The following JAKMIP3 variants were observed in gnomAD, a reference collection of about 807,000 sequenced individuals.
JAKMIP3 encodes the protein janus kinase and microtubule-interacting protein 3.
In JAKMIP3, 58 loss-of-function variants were observed where a neutral mutation model predicts 118.5. That is an observed-to-expected ratio of 0.49 (90% confidence interval 0.40 to 0.61). The LOEUF (loss-of-function observed/expected upper bound fraction) is 0.61, where lower values mean the gene tolerates loss of function less well. Ranked by LOEUF, JAKMIP3 falls within the 20% of genes least tolerant of loss-of-function variation. The pLI, the probability that JAKMIP3 is intolerant of heterozygous loss-of-function variation, is 0.00. For synonymous variants in JAKMIP3, 486 were observed against 451.2 expected, an observed-to-expected ratio of 1.08 and a Z score of -0.98; for missense variants, 950 against 1,109.0, an observed-to-expected ratio of 0.86 and a Z score of 2.04.
chr10:132,096,140 T>C (rs115092832), intron 1 of JAKMIP3, among the ~76,000 whole-genome samples: 2,262 of 152,302 alleles, frequency 0.015, 69 homozygotes, highest in African/African-American at 0.051. Context: ...CCTTTTTACA[T>C]TGGGAGCAGT....
In JAKMIP3 at chr10:132,183,015, G is replaced by A. The variant is rs2061611366; in HGVS notation, c.*1762G>A. 1 of 152,218 alleles carries A rather than the reference G, an allele frequency of 6.6e-6. No individual in the cohort carries two copies. 9.4% of individuals were successfully genotyped at this position (152,218 alleles called of 1,614,324 possible). A position where few individuals can be genotyped will look rare whatever the true frequency, so the allele number is the denominator to read the frequency against. ...CGGCAAGATACTGGGCCAGTTCAGT[G>A]TCTCTAGCTGAGCCTGACCTCGGGG... On this transcript the variant is annotated 3_prime_UTR_variant, in exon 24 of 24. Coordinates refer to ENST00000684848, the MANE Select transcript of JAKMIP3 (RefSeq NM_001323087.2).
chr10:132,072,911 C>T (rs2040194940), intron 1 of JAKMIP3, among the ~76,000 whole-genome samples: 1 of 152,168 alleles, frequency 6.6e-6, no homozygotes, highest in Admixed American at 6.5e-5. Flanking sequence ...CCCCTCCCAC[C>T]CTTCCACCTT....
intron 21 of JAKMIP3, among the ~76,000 whole-genome samples, chr10:132,166,449 C>G (rs2058914362): frequency 6.6e-6 from 1 of 152,208 alleles, no homozygotes; most frequent in Admixed American, 6.5e-5. Context: ...GACCCCCAGC[C>G]CAGAGTGAGA....
chr10:132,113,561 G>C (rs561600875), intron 2 of JAKMIP3, among the ~76,000 whole-genome samples: 4 of 152,362 alleles, frequency 2.6e-5, no homozygotes, highest in Admixed American at 1.3e-4. Context: ...TTAGAATCTT[G>C]TTGAGGAAGA....
chr10:132,105,933 T>C (rs2045836743), intron 2 of JAKMIP3, among the ~76,000 whole-genome samples: 1 of 152,170 alleles, frequency 6.6e-6, no homozygotes, highest in African/African-American at 2.4e-5. Flanking sequence ...TGGGGGTGGT[T>C]GCTTAACCTC....
chr10:132,104,863 G>A lies in JAKMIP3; in HGVS notation c.55G>A (p.Ala19Thr), dbSNP rs765693147. The A allele has an allele frequency of 1.0e-5, 16 of 1,560,798 alleles. No homozygotes were observed. Among genetic ancestry groups the A allele is most frequent in the Middle Eastern group, 1.7e-4 (1 of 6,004 alleles). ...RAKGDKAEAL[A>T]ALQAANEDLR... ...CAAGGGGGACAAGGCAGAGGCCCTCGCGGCGCTGCAGGCGGCCAACGAGGA... is the reference window on the plus strand; with the variant it reads ...CAAGGGGGACAAGGCAGAGGCCCTCACGGCGCTGCAGGCGGCCAACGAGGA... The change falls in exon 2 of 24, where the codon GCG (alanine) becomes ACG (threonine). Residue 19 changes from alanine (A) to threonine (T), a missense_variant. Coordinates refer to ENST00000684848, the MANE Select transcript of JAKMIP3 (RefSeq NM_001323087.2).
At chr10:132,050,329 C>A (rs1411730278) in intron 1 of JAKMIP3, among the ~76,000 whole-genome samples, 1 of 152,228 alleles carries the variant, frequency 6.6e-6, no homozygotes, top group East Asian at 1.9e-4. Context: ...CCTGCCCAGG[C>A]ACCTCTCTGG....
At chr10:132,109,517 C>A (rs1312166494) in intron 2 of JAKMIP3, among the ~76,000 whole-genome samples, 2 of 152,166 alleles carry the variant, frequency 1.3e-5, no homozygotes, top group African/African-American at 2.4e-5. Context: ...TGCGCCCGGG[C>A]GTCTTCTGTC....
At chr10:132,143,125 C>G (rs1043910513) in intron 11 of JAKMIP3, among the ~76,000 whole-genome samples, 1 of 151,604 alleles carries the variant, frequency 6.6e-6, no homozygotes, top group Non-Finnish European at 1.5e-5. Flanking sequence ...CCTCTGTGCC[C>G]TCCTCCTGTC....
intron 3 of JAKMIP3, among the ~76,000 whole-genome samples, chr10:132,126,165 G>A (rs899158732): frequency 1.3e-5 from 2 of 152,206 alleles, no homozygotes; most frequent in Non-Finnish European, 2.9e-5. Context: ...GAACAGAGAA[G>A]TGTTGAGAGT....
intron 2 of JAKMIP3, among the ~76,000 whole-genome samples, chr10:132,107,579 G>A (rs2046107175): frequency 6.6e-6 from 1 of 152,194 alleles, no homozygotes; most frequent in African/African-American, 2.4e-5. Flanking sequence ...CTCGCCAGAG[G>A]GTTCATGTTA....
At chr10:132,139,112 GTGTA>G (rs1439341176) in intron 9 of JAKMIP3, among the ~76,000 whole-genome samples, 3 of 151,794 alleles carry the variant, frequency 2.0e-5, no homozygotes, top group East Asian at 1.9e-4. Flanking sequence ...GTACATGTGT[GTGTA>G]TGCATCTGTG....
At chr10:132,105,420 G>T (rs1180659436) in intron 2 of JAKMIP3, among the ~76,000 whole-genome samples, 8 of 152,230 alleles carry the variant, frequency 5.3e-5, no homozygotes, top group Non-Finnish European at 1.2e-4. Flanking sequence ...ATGTGGAGAT[G>T]CAGGGGCAAG....
chr10:132,143,721 C>T (rs1002766373), intron 11 of JAKMIP3: 5 of 152,192 alleles, frequency 3.3e-5, no homozygotes, highest in Admixed American at 1.3e-4. Flanking sequence ...CTGTGGAAAT[C>T]GAGGAAGCCT....
At chr10:132,177,957 C>A (rs566904530) in intron 23 of JAKMIP3, among the ~76,000 whole-genome samples, 3 of 128,604 alleles carry the variant, frequency 2.3e-5, no homozygotes, top group South Asian at 5.4e-4. Context: ...GGGTAGTGTG[C>A]GTGTATGTGT....
chr10:132,040,878 C>A (rs2037721568), intron 1 of JAKMIP3, among the ~76,000 whole-genome samples: 1 of 152,056 alleles, frequency 6.6e-6, no homozygotes, highest in Non-Finnish European at 1.5e-5. Context: ...CCCTTCCAGT[C>A]TTTATTGTTG....
chr10:132,156,417 G>C (rs2057098227), intron 19 of JAKMIP3, among the ~76,000 whole-genome samples: 1 of 152,206 alleles, frequency 6.6e-6, no homozygotes, highest in African/African-American at 2.4e-5. Context: ...CTGGGATCCA[G>C]CTAGGGATCA....
chr10:132,125,278 C>T (rs868519959), intron 3 of JAKMIP3, among the ~76,000 whole-genome samples: 15 of 152,202 alleles, frequency 9.9e-5, no homozygotes, highest in South Asian at 4.1e-4. Flanking sequence ...TTGGATATCC[C>T]TGCTTGCTGT....
At chr10:132,107,570 T>C (rs966244031) in intron 2 of JAKMIP3, among the ~76,000 whole-genome samples, 8 of 152,198 alleles carry the variant, frequency 5.3e-5, no homozygotes, top group Non-Finnish European at 1.2e-4. Context: ...CTGGACGCCC[T>C]CGCCAGAGGG....
Sources: allele counts gnomAD v4.1 joint callset (sites outside exome capture counted in the v4.1 genomes callset), GRCh38; gene constraint gnomAD v4.1.1; transcripts MANE v1.5; gene names NCBI Gene and HGNC (gene_info 2026-07-23, HGNC 2026-07-21).